Variants in CDH13 observed in about 807,000 individuals in gnomAD.
CDH13 encodes cadherin-13.
A neutral mutation model predicts 63.8 loss-of-function variants in CDH13; 24 were observed. The ratio of observed to expected loss-of-function variants is 0.38; its 90% CI spans 0.27 to 0.53. The LOEUF is 0.53. Among genes scored for constraint, CDH13 ranks in the 20% least tolerant of loss-of-function variants. The pLI, the probability that CDH13 is intolerant of heterozygous loss-of-function variation, is 0.85. For missense variants in CDH13, 1,049 were observed against 903.1 expected (o/e 1.16, Z -2.07); for synonymous variants, 503 against 355.3 (o/e 1.42, Z -4.67).
chr16:83,606,231 T>G (rs1460848587), intron 8 of CDH13, among the ~76,000 whole-genome samples: 3 of 152,246 alleles, frequency 2.0e-5, no homozygotes, highest in Admixed American at 1.3e-4. Context: ...TTTTCATATC[T>G]TAGGACATTT....
intron 2 of CDH13, among the ~76,000 whole-genome samples, chr16:82,998,374 C>T (rs889427427): frequency 6.6e-6 from 1 of 152,142 alleles, no homozygotes; most frequent in Admixed American, 6.5e-5. Flanking sequence ...CATAAATAAG[C>T]AAGAGTATCA....
chr16:82,930,965 G>A (rs1284360379), intron 2 of CDH13, among the ~76,000 whole-genome samples: 1 of 152,172 alleles, frequency 6.6e-6, no homozygotes, highest in Admixed American at 6.5e-5. Context: ...TTCCCCACAG[G>A]GGCAGCTTCC....
chr16:83,525,953 C>T (rs1391813543), intron 7 of CDH13, among the ~76,000 whole-genome samples: 3 of 152,166 alleles, frequency 2.0e-5, no homozygotes, highest in East Asian at 1.9e-4. Context: ...AATGGAGTTT[C>T]CCCTGGAGCC....
At chr16:83,048,735 G>T (rs1368124279) in intron 3 of CDH13, among the ~76,000 whole-genome samples, 1 of 151,836 alleles carries the variant, frequency 6.6e-6, no homozygotes, top group Admixed American at 6.6e-5. Context: ...ACTCTTTTCT[G>T]CCTCTTTCTT....
chr16:82,649,358 A>G (rs1465684594), intron 1 of CDH13, among the ~76,000 whole-genome samples: 1 of 152,166 alleles, frequency 6.6e-6, no homozygotes, highest in Non-Finnish European at 1.5e-5. Context: ...TGATAACTAT[A>G]TGAAGGGGAA....
chr16:83,336,662 T>C (rs984405149), intron 5 of CDH13, among the ~76,000 whole-genome samples: 1 of 151,944 alleles, frequency 6.6e-6, no homozygotes, highest in Non-Finnish European at 1.5e-5. Flanking sequence ...TCTGTGTGTG[T>C]CTGTGTTTTG....
At chr16:82,858,494 A>G (rs765114402) in intron 2 of CDH13, 21 bp downstream of exon 2, 1 of 1,390,098 alleles carries the variant, frequency 7.2e-7, no homozygotes, top group Admixed American at 1.7e-5. Flanking sequence ...TCACTCAAAG[A>G]TGCTTTTAGA....
At chr16:83,311,766 C>G (rs970924184) in intron 5 of CDH13, among the ~76,000 whole-genome samples, 1 of 152,300 alleles carries the variant, frequency 6.6e-6, no homozygotes, top group Middle Eastern at 3.4e-3. Flanking sequence ...ACAAATTCTA[C>G]GCATCTTCCT....
At chr16:83,433,793 A>T (rs2072201348) in intron 6 of CDH13, among the ~76,000 whole-genome samples, 1 of 152,240 alleles carries the variant, frequency 6.6e-6, no homozygotes, top group Non-Finnish European at 1.5e-5. Flanking sequence ...ACCGTGCAGC[A>T]GATAAGAGTG....
Position 83,332,571 on chromosome 16 carries a change from G to A in CDH13, c.637-12291G>A, listed in dbSNP as rs147566112. On this transcript the variant is annotated intron_variant, in intron 5 of 13. Transcript: ENST00000567109. ...AATCCCCAGTAATTTCTCTCTGCTG[G>A]CTTTGTTTTCTAAAGTATTATATTT... Among the ~76,000 whole-genome samples, 5 of 152,218 alleles carry A rather than the reference G, an allele frequency of 3.3e-5. No homozygotes were observed. The East Asian group carries it at 9.6e-4, about 29-fold the overall frequency.
intron 2 of CDH13, among the ~76,000 whole-genome samples, chr16:82,933,634 A>G (rs2042570576): frequency 6.6e-6 from 1 of 152,200 alleles, no homozygotes; most frequent in South Asian, 2.1e-4. Context: ...CTGATTTGAG[A>G]CAAGGCAAGT....
chr16:83,621,257 G>C (rs1041560192), intron 8 of CDH13, among the ~76,000 whole-genome samples: 3 of 152,134 alleles, frequency 2.0e-5, no homozygotes, highest in African/African-American at 7.2e-5. Flanking sequence ...TTCAGTGGCA[G>C]CCATTATATG....
intron 8 of CDH13, among the ~76,000 whole-genome samples, chr16:83,614,611 C>G (rs1336190925): frequency 6.6e-6 from 1 of 152,164 alleles, no homozygotes; most frequent in Non-Finnish European, 1.5e-5. Flanking sequence ...CTCTTCGGCA[C>G]TTTCAAATAA....
chr16:83,597,547 C>T (rs536966929), intron 7 of CDH13, among the ~76,000 whole-genome samples: 2 of 152,174 alleles, frequency 1.3e-5, no homozygotes, highest in South Asian at 2.1e-4. Context: ...TGGGGTTGGG[C>T]AAGGGTGGAG....
intron 7 of CDH13, among the ~76,000 whole-genome samples, chr16:83,550,312 C>T (rs886354942): frequency 3.3e-5 from 5 of 152,162 alleles, no homozygotes. Context: ...CTTTTTCAAC[C>T]AGGGGGCGCT....
intron 2 of CDH13, among the ~76,000 whole-genome samples, chr16:82,894,257 A>G (rs1193793327): frequency 6.6e-6 from 1 of 152,152 alleles, no homozygotes; most frequent in African/African-American, 2.4e-5. Context: ...GCCCAGCTCC[A>G]GGGCAGGATT....
chr16:82,701,789 T>A (rs2031046441), intron 1 of CDH13, among the ~76,000 whole-genome samples: 1 of 152,148 alleles, frequency 6.6e-6, no homozygotes, highest in Non-Finnish European at 1.5e-5. Flanking sequence ...ACATGTCACG[T>A]GCCCATCCTT....
At chr16:83,140,166 G>T (rs1416283333) in intron 4 of CDH13, among the ~76,000 whole-genome samples, 1 of 152,186 alleles carries the variant, frequency 6.6e-6, no homozygotes, top group Non-Finnish European at 1.5e-5. Flanking sequence ...ACACCTAACA[G>T]TTAACATTCC....
At chr16:83,060,046 G>A (rs528844608) in intron 3 of CDH13, among the ~76,000 whole-genome samples, 17 of 151,846 alleles carry the variant, frequency 1.1e-4, no homozygotes, top group African/African-American at 3.9e-4. Flanking sequence ...CGCAAGCCTC[G>A]GCCTCCCAAA....
Sources: allele counts gnomAD v4.1 joint callset (sites outside exome capture counted in the v4.1 genomes callset), GRCh38; gene constraint gnomAD v4.1.1; transcripts MANE v1.5; gene names NCBI Gene and HGNC (gene_info 2026-07-23, HGNC 2026-07-21).